The following PXYLP1 variants were observed in gnomAD, a reference collection of about 807,000 sequenced individuals.
The protein encoded by PXYLP1 is 2-phosphoxylose phosphatase 1, also known as acid phosphatase-like 2.
PXYLP1 carries 17 observed loss-of-function variants against 37.9 expected under a neutral mutation model. The observed-to-expected ratio is 0.45, with a 90% CI of 0.31 to 0.67. The LOEUF (loss-of-function observed/expected upper bound fraction) is 0.67, where lower values mean the gene tolerates loss of function less well. Among genes scored for constraint, PXYLP1 ranks in the 30% least tolerant of loss-of-function variants. PXYLP1 has a pLI of 0.07. For synonymous variants in PXYLP1, 221 were observed against 232.2 expected, an observed-to-expected ratio of 0.95 and a Z score of 0.44; for missense variants, 511 against 612.0, an observed-to-expected ratio of 0.84 and a Z score of 1.74.
At position 141,279,422 on chromosome 3, in the gene PXYLP1, A is replaced by T; in HGVS notation, c.283A>T (p.Ile95Phe). The change falls in exon 4 of 6, where the codon ATT becomes TTT. Residue 95 changes from isoleucine (I) to phenylalanine (F), a missense_variant. By Grantham distance (21) the Ile-to-Phe change is conservative. Transcript: ENST00000286353. ...TAAGCTGGTCTCAGTGCATGTGTTCATTCGCCACGGAGACAGGTACCCACT... is the reference window on the plus strand; with the variant it reads ...TAAGCTGGTCTCAGTGCATGTGTTCTTTCGCCACGGAGACAGGTACCCACT... ...HFKLVSVHVF[I>F]RHGDRYPLYV... 6.2e-7 allele frequency: 1 copy of T among 1,614,204 alleles called. No individual in the cohort carries two copies. Among genetic ancestry groups the T allele is most frequent in the Non-Finnish European group, 8.5e-7 (1 of 1,180,016 alleles).
intron 1 of PXYLP1, among the ~76,000 whole-genome samples, chr3:141,248,495 G>T (rs1941019089): frequency 8.6e-6 from 1 of 115,960 alleles, no homozygotes. Flanking sequence ...GTGTGCGTGT[G>T]TGTATATATA....
rs1334482326 is a variant in PXYLP1 at position 141,292,125 on chromosome 3, G to T, written c.506-143G>T. On this transcript the variant is annotated intron_variant, in intron 5 of 5. Coordinates refer to ENST00000286353, the MANE Select transcript of PXYLP1 (RefSeq NM_001037172.3). This position sits in a 1 kb window ranked among gnomAD's most constrained non-coding sequence, Gnocchi z 4.3. ...CACAAGCTGTTGTGAACTCGAGCTT[G>T]TAACTTCCACACCATGGGGAAACAG... 2 of 776,576 alleles carry T rather than the reference G, an allele frequency of 2.6e-6. No individual in the cohort carries two copies. The highest frequency in any genetic ancestry group is 5.6e-5 in the Admixed American group (2 of 35,490). 48.1% of individuals were successfully genotyped at this position (776,576 alleles called of 1,614,324 possible).
At chr3:141,238,863 G>A (rs1219466929) in intron 1 of PXYLP1, among the ~76,000 whole-genome samples, 2 of 152,128 alleles carry the variant, frequency 1.3e-5, no homozygotes, top group African/African-American at 4.8e-5. Flanking sequence ...TTCGTTAAGT[G>A]GAAGTGGATC....
At position 141,288,234 on chromosome 3, in the gene PXYLP1, A is replaced by T. The variant is rs150441182; in HGVS notation, c.505+781A>T. ...ATTCTTCAATCTGGAACCTCAGAGG[A>T]CCTTTGCCTGGTCACCAGCCTTTAT... On this transcript the variant is annotated intron_variant, in intron 5 of 5. Coordinates refer to ENST00000286353, the MANE Select transcript of PXYLP1 (RefSeq NM_001037172.3). Among the ~76,000 whole-genome samples the T allele has an allele frequency of 3.9e-5, 6 of 152,240 alleles. No individual in the cohort carries two copies. The East Asian group carries it at 1.2e-3, about 29-fold the overall frequency.
intron 2 of PXYLP1, chr3:141,262,533 C>A: frequency 1.1e-6 from 1 of 934,626 alleles, no homozygotes; most frequent in Non-Finnish European, 1.5e-6. Flanking sequence ...ACTGAATTGG[C>A]CTGTGTGTTT....
At chr3:141,273,754 A>C in intron 2 of PXYLP1, 1 of 985,402 alleles carries the variant, frequency 1.0e-6, no homozygotes, top group South Asian at 4.7e-5. Flanking sequence ...CATAAAAGAG[A>C]GGCTTATTTC....
chr3:141,283,002 C>G (rs1941989296), intron 4 of PXYLP1, among the ~76,000 whole-genome samples: 1 of 151,838 alleles, frequency 6.6e-6, no homozygotes, highest in African/African-American at 2.4e-5. Context: ...GAGTCTCGCT[C>G]TGTCACTAGG....
chr3:141,248,989 G>A (rs1941080249), intron 1 of PXYLP1, among the ~76,000 whole-genome samples: 2 of 151,994 alleles, frequency 1.3e-5, no homozygotes, highest in Non-Finnish European at 2.9e-5. Context: ...GGCTCCGAAA[G>A]GTCACCCACA....
intron 1 of PXYLP1, among the ~76,000 whole-genome samples, chr3:141,246,573 TG>T (rs1388346466): frequency 6.6e-6 from 1 of 152,106 alleles, no homozygotes; most frequent in African/African-American, 2.4e-5. Context: ...GGAGGCAGGT[TG>T]GGGGATTGCT....
In PXYLP1 at chr3:141,293,078, A is replaced by T. The variant is rs757645831; in HGVS notation, c.1316A>T (p.His439Leu). The change falls in exon 6 of 6, where the codon CAC becomes CTC. Residue 439 changes from histidine to leucine, a missense_variant. By Grantham distance (99) the His-to-Leu change is moderately conservative. Coordinates refer to ENST00000286353, the MANE Select transcript of PXYLP1 (RefSeq NM_001037172.3). ...CACACCTCTTTCTGCCAAGACCACC[A>T]CAAGCGTTCTCCCAAGCCCATGTGC... The part of the protein sequence containing the change: ...TFHTSFCQDH[H>L]KRSPKPMCPL... 2.0e-5 allele frequency: 32 copies of T among 1,614,008 alleles called. No individual in the cohort carries two copies. Among genetic ancestry groups the T allele is most frequent in the Non-Finnish European group, 2.5e-5 (30 of 1,180,026 alleles).
chr3:141,278,432 T>A lies in PXYLP1; in HGVS notation c.170T>A (p.Val57Glu). The change falls in exon 3 of 6, where the codon GTG becomes GAG. Residue 57 changes from valine to glutamate, a missense_variant. Val to Glu is a moderately radical substitution (Grantham distance 121). Transcript: ENST00000286353. ...IMPDPVTEPPVTDPVYEALLY... is the reference protein window; with the variant it reads ...IMPDPVTEPPETDPVYEALLY... ...CCCGACCCTGTGACGGAGCCCCCTG[T>A]GACAGACCCCGTTTATGAAGCTCTT... The A allele has an allele frequency of 6.2e-7, 1 of 1,614,210 alleles. No individual in the cohort carries two copies.
chr3:141,262,478 A>G, intron 2 of PXYLP1: 1 of 724,440 alleles, frequency 1.4e-6, no homozygotes, highest in South Asian at 3.4e-5. Context: ...AATGTGTGTT[A>G]CTTGTGTTTG....
In PXYLP1 at chr3:141,262,001, G is replaced by A. The variant is rs558890774; in HGVS notation, c.79+1747G>A. The stretch of plus-strand genomic sequence containing the variant: ...CCACCCAGGACAGCTGTGTGAGGAG[G>A]GGCATTTCTGTTGCAGTTTGAATGA... On this transcript the variant is annotated intron_variant, in intron 2 of 5. Transcript: ENST00000286353. The A allele has an allele frequency of 2.6e-5, 4 of 152,636 alleles. No individual in the cohort carries two copies. The East Asian group carries it at 7.7e-4, about 29-fold the overall frequency. 9.5% of individuals were successfully genotyped at this position (152,636 alleles called of 1,614,324 possible). A position where few individuals can be genotyped will look rare whatever the true frequency, so the allele number is the denominator to read the frequency against.
chr3:141,250,297 A>G (rs2148717982), intron 1 of PXYLP1, among the ~76,000 whole-genome samples: 1 of 152,344 alleles, frequency 6.6e-6, no homozygotes, highest in Middle Eastern at 3.4e-3. Context: ...GGATCTGAAA[A>G]GTTGTGGTAC....
At chr3:141,256,786 C>CAGTA (rs1203502022) in intron 1 of PXYLP1, among the ~76,000 whole-genome samples, 1 of 152,146 alleles carries the variant, frequency 6.6e-6, no homozygotes, top group Non-Finnish European at 1.5e-5. Context: ...TCACACCAGA[C>CAGTA]TACTCCCTAG....
In PXYLP1 at chr3:141,248,682, TACACACGTATATAC is replaced by T. The variant is rs1459034992; in HGVS notation, c.-53-11432_-53-11419del. ...GTATATATACACACACGTGTATATA[TACACACGTATATAC>T]ACACACGTGTATATATACACACGTA... On this transcript the variant is annotated intron_variant, in intron 1 of 5. Transcript: ENST00000286353. Among the ~76,000 whole-genome samples the T allele has an allele frequency of 1.7e-3, 62 of 35,818 alleles. 6 individuals carry two copies. Among genetic ancestry groups the T allele is most frequent in the South Asian group, 3.5e-3 (2 of 578 alleles). 23.5% of individuals were successfully genotyped at this position (35,818 alleles called of 152,430 possible). A position where few individuals can be genotyped will look rare whatever the true frequency, so the allele number is the denominator to read the frequency against.
chr3:141,293,229 G>A lies in PXYLP1; in HGVS notation c.*24G>A, dbSNP rs771937910. On this transcript the variant is annotated 3_prime_UTR_variant, in exon 6 of 6. Coordinates refer to ENST00000286353, the MANE Select transcript of PXYLP1 (RefSeq NM_001037172.3). The stretch of plus-strand genomic sequence containing the variant: ...AAAAGGTATGCAGTACAGCAGTATA[G>A]AATCCATGCCAATACAGAGCATAGG... 6.9e-6 allele frequency: 11 copies of A among 1,595,666 alleles called. No individual in the cohort carries two copies. The East Asian group carries it at 2.5e-4, about 36-fold the overall frequency.
rs771763179 is a variant in PXYLP1 at position 141,292,858 on chromosome 3, G to T, written c.1096G>T (p.Gly366Cys). 2 of 1,613,952 alleles carry T rather than the reference G, an allele frequency of 1.2e-6. No homozygotes were observed. Among genetic ancestry groups the T allele is most frequent in the Admixed American group, 1.7e-5 (1 of 60,000 alleles). Residue 366 changes from glycine (G) to cysteine (C), a missense_variant, in exon 6 of 6, where the codon GGC becomes TGC. Transcript: ENST00000286353. The surrounding 1 kb of genome is among the most constrained non-coding windows in gnomAD (Gnocchi z 4.3). The stretch of plus-strand genomic sequence containing the variant: ...CGGCCGGATGCAGCGTGCCACCGAG[G>T]GCAGGAAAGAAGAGCTCTTTGCCCT... Reference protein sequence around the residue: ...TIGRMQRATEGRKEELFALYS... With the variant: ...TIGRMQRATECRKEELFALYS...
At chr3:141,232,146 T>G (rs1940530748) in intron 1 of PXYLP1, among the ~76,000 whole-genome samples, 2 of 151,938 alleles carry the variant, frequency 1.3e-5, no homozygotes, top group African/African-American at 4.8e-5. Context: ...ACTTGCGCCC[T>G]CTTTCCTGCC....
Sources: allele counts gnomAD v4.1 joint callset (sites outside exome capture counted in the v4.1 genomes callset), GRCh38; gene constraint gnomAD v4.1.1; non-coding constraint Gnocchi (gnomAD v3.1); transcripts MANE v1.5; gene names NCBI Gene and HGNC (gene_info 2026-07-23, HGNC 2026-07-21).